N4BP2: variants seen among roughly 807,000 people sequenced by gnomAD.
N4BP2 encodes the protein NEDD4 binding protein 2.
In N4BP2, 91 loss-of-function variants were observed where a neutral mutation model predicts 152.8. That is an observed-to-expected ratio of 0.60 (90% CI 0.50 to 0.71). The LOEUF is 0.71. Ranked by LOEUF, N4BP2 falls within the 30% of genes least tolerant of loss-of-function variation. N4BP2 has a pLI of 0.00. For missense variants in N4BP2, 1,923 were observed against 2,059.1 expected, an observed-to-expected ratio of 0.93 and a Z score of 1.28; for synonymous variants, 646 against 705.3, an observed-to-expected ratio of 0.92 and a Z score of 1.33.
intron 2 of N4BP2, among the ~76,000 whole-genome samples, chr4:40,080,326 A>ATG (rs59063094): frequency 1.3e-5 from 2 of 148,370 alleles, no homozygotes; most frequent in African/African-American, 4.9e-5. Context: ...ATATATATAT[A>ATG]CACACACACA....
chr4:40,163,591 TTGTGTC>T, the N4BP2 span, among the ~76,000 whole-genome samples: 61 of 152,340 alleles, frequency 4.0e-4, 1 homozygote, highest in Middle Eastern at 3.4e-3. Context: ...CAGCAAGACT[TTGTGTC>T]TGTATGTGAT....
intron 1 of N4BP2, among the ~76,000 whole-genome samples, chr4:40,058,396 C>G (rs1381772433): frequency 6.6e-6 from 1 of 152,086 alleles, no homozygotes; most frequent in African/African-American, 2.4e-5. Flanking sequence ...CTGCCAGGAC[C>G]TTTTATTATT....
At chr4:40,189,235 A>G in the N4BP2 span, among the ~76,000 whole-genome samples, 5 of 152,226 alleles carry the variant, frequency 3.3e-5, no homozygotes, top group South Asian at 4.1e-4. The surrounding 1 kb of genome is among the most constrained non-coding windows in gnomAD (Gnocchi z 4.3). Context: ...AGAAAGCAGC[A>G]TGGTGGTGCT....
At chr4:40,069,382 G>C (rs1711920810) in intron 1 of N4BP2, among the ~76,000 whole-genome samples, 1 of 152,114 alleles carries the variant, frequency 6.6e-6, no homozygotes, top group Non-Finnish European at 1.5e-5. Flanking sequence ...AGCCAAGATT[G>C]CACCACTGCA....
chr4:40,142,875 C>CTGAT lies in N4BP2; in HGVS notation c.4974+16_4974+19dup, dbSNP rs761771423. On this transcript the variant is annotated intron_variant, in intron 15 of 17. Transcript: ENST00000261435. ...TATGCCCAGCAGGTAAAGTGGAAAA[C>CTGAT]TGATTATATATTTTTTGTCAGTTAT... 1.2e-6 allele frequency: 2 copies of CTGAT among 1,609,854 alleles called. No homozygotes were observed. Among genetic ancestry groups the CTGAT allele is most frequent in the South Asian group, 2.2e-5 (2 of 90,876 alleles).
chr4:40,098,993 T>C (rs1409187160), intron 3 of N4BP2, among the ~76,000 whole-genome samples: 2 of 152,232 alleles, frequency 1.3e-5, no homozygotes, highest in Admixed American at 1.3e-4. Context: ...TTTAATTATA[T>C]CTACGTTTTT....
chr4:40,109,539 G>A (rs979395456), intron 5 of N4BP2, among the ~76,000 whole-genome samples: 1 of 152,042 alleles, frequency 6.6e-6, no homozygotes, highest in Non-Finnish European at 1.5e-5. Flanking sequence ...CTAACATGGC[G>A]TTACCCCATC....
At chr4:40,093,048 A>AT (rs1472075357) in intron 2 of N4BP2, among the ~76,000 whole-genome samples, 1 of 151,304 alleles carries the variant, frequency 6.6e-6, no homozygotes, top group African/African-American at 2.4e-5. Context: ...GGTTCAAACG[A>AT]TTCTCCTGCC....
At chr4:40,084,765 G>A (rs939467359) in intron 2 of N4BP2, among the ~76,000 whole-genome samples, 52 of 151,210 alleles carry the variant, frequency 3.4e-4, no homozygotes, top group African/African-American at 1.1e-3. Flanking sequence ...GAGTAGCTGG[G>A]CCACCATGCC....
Position 40,107,920 on chromosome 4 carries a change from A to G in N4BP2, c.1498+896A>G, listed in dbSNP as rs577548412. 5.3e-4 allele frequency among the ~76,000 whole-genome samples: 63 copies of G among 118,388 alleles called. No homozygotes were observed. In the East Asian group the frequency reaches 0.019, roughly 35 times the overall value. 77.7% of individuals were successfully genotyped at this position (118,388 alleles called of 152,430 possible). On this transcript the variant is annotated intron_variant, in intron 5 of 17. Coordinates refer to ENST00000261435, the MANE Select transcript of N4BP2 (RefSeq NM_018177.6). ...TGTAAGGAAATTGCAGTTGTTTCCT[A>G]TGTATCTTTTTTTTTTTTTTTGACA...
At chr4:40,182,649 T>C in the N4BP2 span, among the ~76,000 whole-genome samples, 20 of 151,904 alleles carry the variant, frequency 1.3e-4, no homozygotes, top group African/African-American at 4.6e-4. Context: ...GGTTTCGCCA[T>C]GTTGCCCAGG....
chr4:40,161,238 C>G (rs556862566), downstream of N4BP2, among the ~76,000 whole-genome samples: 71 of 152,340 alleles, frequency 4.7e-4, no homozygotes, highest in African/African-American at 1.7e-3. Context: ...AGAGAGAATG[C>G]ACCCTCATCT....
Position 40,060,640 on chromosome 4 carries a change from T to C in N4BP2, c.-212+3610T>C, listed in dbSNP as rs547359515. Among the ~76,000 whole-genome samples the C allele has an allele frequency of 2.6e-5, 4 of 152,064 alleles. No homozygotes were observed. The East Asian group carries it at 5.8e-4, about 22-fold the overall frequency. ...TTTTTTGAGACAGGGTCTCCCTCTG[T>C]TGTCCAGGTTGGAGTGCAGTGGCAT... On this transcript the variant is annotated intron_variant, in intron 1 of 17. Transcript: ENST00000261435.
Position 40,102,651 on chromosome 4 carries a change from T to G in N4BP2, c.806T>G (p.Leu269Arg), listed in dbSNP as rs769510141. Residue 269 changes from leucine to arginine, a missense_variant, in exon 4 of 18, where the codon CTT becomes CGT. Physicochemically the swap from Leu to Arg is moderately radical, Grantham distance 102 (BLOSUM62 -2). Transcript: ENST00000261435. ...AGTCTCAATCAAAAACAGAAAGAACTTTTAGAATCTGAGTGCGTTGAGGCT... is the reference window on the plus strand; with the variant it reads ...AGTCTCAATCAAAAACAGAAAGAACGTTTAGAATCTGAGTGCGTTGAGGCT... ...CSSLNQKQKE[L>R]LESECVEAQF... 1.2e-6 allele frequency: 2 copies of G among 1,614,160 alleles called. No individual in the cohort carries two copies. Among genetic ancestry groups the G allele is most frequent in the East Asian group, 4.5e-5 (2 of 44,896 alleles).
chr4:40,139,086 C>T (rs913247477), intron 14 of N4BP2, among the ~76,000 whole-genome samples: 15 of 152,254 alleles, frequency 9.9e-5, no homozygotes, highest in African/African-American at 3.4e-4. Flanking sequence ...TTTCCTTCAA[C>T]AATGCACTAT....
At chr4:40,183,258 G>A in the N4BP2 span, among the ~76,000 whole-genome samples, 1 of 151,978 alleles carries the variant, frequency 6.6e-6, no homozygotes, top group Admixed American at 6.6e-5. Context: ...ATCCCAGTAA[G>A]ATAATCTACC....
the N4BP2 span, among the ~76,000 whole-genome samples, chr4:40,184,753 C>A: frequency 6.6e-6 from 1 of 151,960 alleles, no homozygotes; most frequent in South Asian, 2.1e-4. Context: ...ATCAGGAGTT[C>A]GAGACTAGCC....
intron 2 of N4BP2, among the ~76,000 whole-genome samples, chr4:40,078,745 CT>C (rs1489580443): frequency 6.6e-6 from 1 of 151,606 alleles, no homozygotes; most frequent in African/African-American, 2.4e-5. Context: ...CCTGGCTGGT[CT>C]TAGACTCCTG....
chr4:40,129,204 A>G (rs1005715120), intron 12 of N4BP2, among the ~76,000 whole-genome samples: 1 of 151,822 alleles, frequency 6.6e-6, no homozygotes, highest in Non-Finnish European at 1.5e-5. Flanking sequence ...GTGAGTCACG[A>G]TGCCCTGCTA....
Sources: allele counts gnomAD v4.1 joint callset (sites outside exome capture counted in the v4.1 genomes callset), GRCh38; gene constraint gnomAD v4.1.1; non-coding constraint Gnocchi (gnomAD v3.1); transcripts MANE v1.5; gene names NCBI Gene and HGNC (gene_info 2026-07-23, HGNC 2026-07-21).